CTNNA2: variants seen among roughly 807,000 people sequenced by gnomAD.
CTNNA2 encodes the protein catenin alpha 2, also known as catenin alpha-2.
Under a neutral mutation model 101.0 loss-of-function variants are expected in CTNNA2, and 42 were observed. The ratio of observed to expected loss-of-function variants is 0.42; its 90% CI spans 0.32 to 0.54. CTNNA2 has a LOEUF of 0.54. CTNNA2 is among the 20% of genes least tolerant of loss of function. CTNNA2 has a pLI of 0.14. For missense variants in CTNNA2, 871 were observed against 1,223.1 expected (o/e 0.71, Z 4.29); for synonymous variants, 450 against 456.4 (o/e 0.99, Z 0.18).
intron 7 of CTNNA2, among the ~76,000 whole-genome samples, chr2:80,284,795 T>C (rs866917852): frequency 7.2e-5 from 11 of 152,152 alleles, no homozygotes; most frequent in African/African-American, 2.4e-4. Context: ...ATTTAGAATT[T>C]TGTCATATTG....
At chr2:80,101,626 A>G (rs1258489766) in intron 7 of CTNNA2, among the ~76,000 whole-genome samples, 1 of 152,238 alleles carries the variant, frequency 6.6e-6, no homozygotes, top group African/African-American at 2.4e-5. Flanking sequence ...GCCATCCTTC[A>G]TGTACAGAAA....
chr2:80,525,795 G>T (rs1689981445), intron 9 of CTNNA2, among the ~76,000 whole-genome samples: 1 of 152,118 alleles, frequency 6.6e-6, no homozygotes, highest in Non-Finnish European at 1.5e-5. Flanking sequence ...TGATCTGTAA[G>T]GATAATGACT....
intron 1 of CTNNA2, among the ~76,000 whole-genome samples, chr2:79,192,813 T>C (rs1398454063): frequency 6.6e-6 from 1 of 152,118 alleles, no homozygotes; most frequent in Non-Finnish European, 1.5e-5. Flanking sequence ...TCTATTAAAT[T>C]GTAATTGCTT....
chr2:80,249,868 T>G (rs1272437166), intron 7 of CTNNA2, among the ~76,000 whole-genome samples: 1 of 152,222 alleles, frequency 6.6e-6, no homozygotes, highest in East Asian at 1.9e-4. Flanking sequence ...TATAGCTTAA[T>G]AATGTTACTT....
rs530131960 is a variant in CTNNA2, at chr2:80,304,310, C to G, written c.1057-88901C>G. 2.7e-3 allele frequency: 421 copies of G among 153,130 alleles called. 1 individual carries two copies. Among genetic ancestry groups the G allele is most frequent in the Non-Finnish European group, 4.7e-3 (321 of 68,358 alleles). 9.5% of individuals were successfully genotyped at this position (153,130 alleles called of 1,614,324 possible). Reference sequence around the variant, plus strand: ...CAATGTCTCACTTTGCTGCTCGGCTCGGGGCTGCAAGGGCGGCCGGCAAGG... The same window carrying G: ...CAATGTCTCACTTTGCTGCTCGGCTGGGGGCTGCAAGGGCGGCCGGCAAGG... On this transcript the variant is annotated intron_variant, in intron 7 of 18. Transcript: ENST00000402739.
intron 2 of CTNNA2, among the ~76,000 whole-genome samples, chr2:79,200,828 T>G (rs538808861): frequency 2.0e-5 from 3 of 152,214 alleles, no homozygotes; most frequent in Admixed American, 6.5e-5. Flanking sequence ...AAAAAAAAAC[T>G]TTTTAAATCT....
chr2:80,496,406 T>C (rs1687472835), intron 9 of CTNNA2, among the ~76,000 whole-genome samples: 2 of 151,830 alleles, frequency 1.3e-5, no homozygotes, highest in South Asian at 4.2e-4. Context: ...TTTTTTTTTT[T>C]TTTTTTTTAT....
chr2:80,532,009 A>T (rs78845180), intron 9 of CTNNA2, among the ~76,000 whole-genome samples: 6,856 of 152,282 alleles, frequency 0.045, 496 homozygotes, highest in African/African-American at 0.15. Context: ...AAAAGCAGTC[A>T]TAGGCAATAT....
At chr2:79,986,459 A>G (rs76439359) in intron 7 of CTNNA2, among the ~76,000 whole-genome samples, 5,127 of 152,224 alleles carry the variant, frequency 0.034, 263 homozygotes, top group African/African-American at 0.12. Context: ...TAGTCTTATC[A>G]GTGAATTCCC....
intron 2 of CTNNA2, among the ~76,000 whole-genome samples, chr2:79,714,715 C>G (rs1685960906): frequency 6.6e-6 from 1 of 152,110 alleles, no homozygotes; most frequent in Non-Finnish European, 1.5e-5. Context: ...TTTCATTTAT[C>G]CAGTCATGAC....
At chr2:79,977,351 A>C (rs193169021) in intron 7 of CTNNA2, among the ~76,000 whole-genome samples, 194 of 152,172 alleles carry the variant, frequency 1.3e-3, no homozygotes, top group Admixed American at 2.9e-3. Flanking sequence ...AACGTCAAGC[A>C]TTTTTGGTTC....
chr2:80,264,252 A>G (rs1050727832), intron 7 of CTNNA2, among the ~76,000 whole-genome samples: 1 of 152,066 alleles, frequency 6.6e-6, no homozygotes, highest in Non-Finnish European at 1.5e-5. Flanking sequence ...TCATTTTGCT[A>G]TTTAACGATA....
rs1407599308 is a variant in CTNNA2 at position 80,499,907 on chromosome 2, T to A, written c.1291-45075T>A. ...GGATTCACTATGCTTTTCTTTTTACTTTTGTGTATGTTTGAAACGTTCTAC... is the reference window on the plus strand; with the variant it reads ...GGATTCACTATGCTTTTCTTTTTACATTTGTGTATGTTTGAAACGTTCTAC... On this transcript the variant is annotated intron_variant, in intron 9 of 18. Transcript: ENST00000402739. 1.3e-5 allele frequency among the ~76,000 whole-genome samples: 2 copies of A among 151,938 alleles called. 1 individual carries two copies. The highest frequency in any genetic ancestry group is 2.9e-5 in the Non-Finnish European group (2 of 67,994).
At chr2:79,290,222 A>T (rs1675760714) in intron 2 of CTNNA2, among the ~76,000 whole-genome samples, 1 of 152,192 alleles carries the variant, frequency 6.6e-6, no homozygotes, top group Non-Finnish European at 1.5e-5. Flanking sequence ...GTCAACTAGT[A>T]CCATTTATCA....
chr2:80,000,177 G>A (rs1016070289), intron 7 of CTNNA2, among the ~76,000 whole-genome samples: 2 of 152,144 alleles, frequency 1.3e-5, no homozygotes, highest in Admixed American at 6.5e-5. Context: ...TTGGGTGTCC[G>A]GAGTTCCCTT....
chr2:80,298,292 C>T (rs915984325), intron 7 of CTNNA2: 6 of 152,178 alleles, frequency 3.9e-5, no homozygotes, highest in African/African-American at 1.4e-4. Flanking sequence ...AATCAGCCAA[C>T]ATCGCCACTC....
At chr2:79,915,692 A>T (rs555335226) in intron 7 of CTNNA2, among the ~76,000 whole-genome samples, 91 of 152,344 alleles carry the variant, frequency 6.0e-4, no homozygotes, top group African/African-American at 2.1e-3. Context: ...AGTCTTGTGC[A>T]ATCGGATTTT....
At chr2:80,038,542 G>A (rs997946540) in intron 7 of CTNNA2, among the ~76,000 whole-genome samples, 1 of 152,058 alleles carries the variant, frequency 6.6e-6, no homozygotes, top group Non-Finnish European at 1.5e-5. Context: ...GCAACATGGT[G>A]AAACCTGGTC....
Position 79,992,107 on chromosome 2 carries a change from C to T in CTNNA2, c.1056+82310C>T, listed in dbSNP as rs115052825. 4.2e-3 allele frequency among the ~76,000 whole-genome samples: 639 copies of T among 152,196 alleles called. 2 individuals are homozygous for T. Among genetic ancestry groups the T allele is most frequent in the African/African-American group, 0.014 (593 of 41,528 alleles). On this transcript the variant is annotated intron_variant, in intron 7 of 18. Transcript: ENST00000402739. ...TAAAAATTCAATGATTTTCAGCAGACTTTCCTAAGATAATAATGTAATTTA... is the reference window on the plus strand; with the variant it reads ...TAAAAATTCAATGATTTTCAGCAGATTTTCCTAAGATAATAATGTAATTTA...
Sources: allele counts gnomAD v4.1 joint callset (sites outside exome capture counted in the v4.1 genomes callset), GRCh38; gene constraint gnomAD v4.1.1; transcripts MANE v1.5; gene names NCBI Gene and HGNC (gene_info 2026-07-23, HGNC 2026-07-21).